Variants in COPA observed in about 807,000 individuals in gnomAD.
The protein encoded by COPA is coat protein complex I subunit alpha.
COPA carries 10 observed loss-of-function variants against 158.7 expected under a neutral mutation model. The ratio of observed to expected loss-of-function variants is 0.06; its 90% confidence interval spans 0.04 to 0.11. The LOEUF (loss-of-function observed/expected upper bound fraction) is 0.11. COPA is among the 10% of genes least tolerant of loss of function. The pLI is 1.00. For synonymous variants in COPA, 462 were observed against 542.8 expected (o/e 0.85, Z 2.07); for missense variants, 1,065 against 1,536.7 (o/e 0.69, Z 5.13).
chr1:160,312,086 T>C, intron 10 of COPA, 68 bp from the exon 11 acceptor site: 2 of 1,515,636 alleles, frequency 1.3e-6, no homozygotes, highest in South Asian at 1.2e-5. Flanking sequence ...AAATTGGAGA[T>C]ACGTAAGGAT....
chr1:160,342,740 C>A lies in COPA; in HGVS notation c.40+391G>T, dbSNP rs564144563. Among the ~76,000 whole-genome samples, 27 of 152,230 alleles carry A rather than the reference C, an allele frequency of 1.8e-4. No individual in the cohort carries two copies. In the South Asian group the frequency reaches 2.7e-3, roughly 15 times the overall value. On this transcript the variant is annotated intron_variant, in intron 1 of 32. Transcript: ENST00000241704. ...TCCAAAAAGGCTACTGACTCGGGTGCGAGTAACAGAGATCGAGACTCAGTT... is the reference window on the plus strand; with the variant it reads ...TCCAAAAAGGCTACTGACTCGGGTGAGAGTAACAGAGATCGAGACTCAGTT...
Position 160,291,340 on chromosome 1 carries a change from G to C in COPA, c.3415C>G (p.Gln1139Glu). ...ACTGAAGGAGTTCCATCTACCTGTT[G>C]GGCCACCTCAGGCTTGGGCCCGAGT... ...LELGPKPEVAQQTRKILSACE... is the reference protein window; with the variant it reads ...LELGPKPEVAEQTRKILSACE... Residue 1139 changes from glutamine to glutamate, a missense_variant, in exon 31 of 33, where the codon CAA becomes GAA. Physicochemically the swap from Gln to Glu is conservative, Grantham distance 29. This residue lies in a region of COPA where 980 missense variants were observed against 1,357.8 expected (regional missense o/e 0.72). Coordinates refer to ENST00000241704, the MANE Select transcript of COPA (RefSeq NM_004371.4). The C allele has an allele frequency of 6.2e-7, 1 of 1,613,494 alleles. No homozygotes were observed. Among genetic ancestry groups the C allele is most frequent in the Non-Finnish European group, 8.5e-7 (1 of 1,179,878 alleles).
intron 17 of COPA, among the ~76,000 whole-genome samples, chr1:160,304,591 G>A (rs1326598872): frequency 6.6e-6 from 1 of 151,986 alleles, no homozygotes; most frequent in Non-Finnish European, 1.5e-5. Flanking sequence ...TTGAACCCAG[G>A]AGGCGGAGGT....
chr1:160,337,986 ATTTCCT>A (rs1647852905), intron 3 of COPA, among the ~76,000 whole-genome samples: 1 of 151,946 alleles, frequency 6.6e-6, no homozygotes, highest in Admixed American at 6.6e-5. Flanking sequence ...GTCACTTCTC[ATTTCCT>A]CCCAACCCCT....
Position 160,297,545 on chromosome 1 carries a change from G to A in COPA, c.2167+11C>T, listed in dbSNP as rs760181351. ...GAACCCCTCTTCCCATCCTTAGTTT[G>A]AGGGCCTCACCAATCTTCATCATCT... is the stretch of plus-strand genomic sequence containing the variant. On this transcript the variant is annotated intron_variant, in intron 20 of 32. Coordinates refer to ENST00000241704, the MANE Select transcript of COPA (RefSeq NM_004371.4). The A allele has an allele frequency of 6.2e-7, 1 of 1,613,176 alleles. No individual in the cohort carries two copies. Among genetic ancestry groups the A allele is most frequent in the East Asian group, 2.2e-5 (1 of 44,872 alleles).
At chr1:160,302,808 C>A (rs574730578) in intron 17 of COPA, among the ~76,000 whole-genome samples, 2 of 152,034 alleles carry the variant, frequency 1.3e-5, no homozygotes, top group East Asian at 3.9e-4. Context: ...CCCGCCTCAG[C>A]CTCCCAAAGT....
At chr1:160,301,240 G>A (rs1419031195) in intron 17 of COPA, among the ~76,000 whole-genome samples, 1 of 152,158 alleles carries the variant, frequency 6.6e-6, no homozygotes, top group Admixed American at 6.5e-5. Flanking sequence ...AATGCTGGCT[G>A]AGCATCCCAA....
chr1:160,317,788 G>C (rs116234003), intron 8 of COPA: 25,706 of 930,610 alleles, frequency 0.028, 419 homozygotes, highest in Middle Eastern at 0.033. Context: ...TGTTAAAAAC[G>C]GAATTGAAAA....
intron 2 of COPA, 54 bp downstream of exon 2, chr1:160,340,127 C>T: frequency 6.7e-7 from 1 of 1,501,168 alleles, no homozygotes. Flanking sequence ...TTAAAATACC[C>T]CAGGATATTA....
Position 160,295,882 on chromosome 1 carries a change from C to G in COPA, c.2353-23G>C, listed in dbSNP as rs747905529. 3.8e-6 allele frequency: 6 copies of G among 1,591,012 alleles called. No individual in the cohort carries two copies. The South Asian group carries it at 5.8e-5, about 15-fold the overall frequency. ...GATCTGAATAGTAGAAGAAAAGAGG[C>G]TAAAAACAAATAGCACTTGGAAGTC... On this transcript the variant is annotated intron_variant, in intron 22 of 32. Transcript: ENST00000241704.
intron 8 of COPA, among the ~76,000 whole-genome samples, chr1:160,315,176 A>G (rs904963076): frequency 4.6e-5 from 7 of 152,014 alleles, no homozygotes; most frequent in African/African-American, 1.7e-4. Context: ...CCCTCCCCCA[A>G]CTCATGGTTT....
intron 11 of COPA, 109 bp from the exon 12 acceptor site, chr1:160,310,367 T>C: frequency 1.9e-6 from 1 of 522,946 alleles, no homozygotes; most frequent in South Asian, 4.3e-5. Context: ...CACTATATAC[T>C]CATCACTTTT....
intron 21 of COPA, among the ~76,000 whole-genome samples, chr1:160,296,555 G>A (rs916948477): frequency 1.3e-5 from 2 of 152,182 alleles, no homozygotes; most frequent in South Asian, 2.1e-4. Context: ...TTCTCTCCCC[G>A]GTGAGTCTTC....
chr1:160,307,361 G>T, intron 13 of COPA, 116 bp from the exon 14 acceptor site: 1 of 932,758 alleles, frequency 1.1e-6, no homozygotes. Context: ...TGCCAGTTGA[G>T]CTGCTTCCTA....
At chr1:160,328,614 A>C (rs1647363494) in intron 6 of COPA, among the ~76,000 whole-genome samples, 2 of 152,212 alleles carry the variant, frequency 1.3e-5, no homozygotes, top group Non-Finnish European at 2.9e-5. Context: ...ATTTGGCAGC[A>C]AATTAATACT....
intron 8 of COPA, 93 bp from the exon 9 acceptor site, chr1:160,314,218 A>G (rs1412127613): frequency 7.4e-7 from 1 of 1,351,076 alleles, no homozygotes; most frequent in Non-Finnish European, 9.9e-7. Context: ...AGAACTAAGT[A>G]CTATTACAGA....
intron 19 of COPA, among the ~76,000 whole-genome samples, chr1:160,298,100 G>A (rs1316580842): frequency 2.0e-5 from 3 of 151,926 alleles, no homozygotes; most frequent in Admixed American, 1.3e-4. Flanking sequence ...AGAATCGCTT[G>A]GACCCAGGAG....
chr1:160,313,312 G>A (rs939663399), intron 9 of COPA, 145 bp from the exon 10 acceptor site: 8 of 665,326 alleles, frequency 1.2e-5, no homozygotes, highest in East Asian at 2.7e-5. Context: ...AACAGTAGTC[G>A]TGATAAATTC....
intron 6 of COPA, among the ~76,000 whole-genome samples, chr1:160,328,325 A>G (rs559751312): frequency 6.6e-6 from 1 of 152,368 alleles, no homozygotes; most frequent in South Asian, 2.1e-4. Context: ...GCCGTATGAC[A>G]GAATGGAAGG....
Sources: gnomAD v4.1 joint callset for allele counts (sites outside exome capture counted in the v4.1 genomes callset) on GRCh38, gnomAD v4.1.1 for gene constraint, gnomAD v4.1.1 regional missense constraint, MANE v1.5 for transcripts, NCBI Gene and HGNC (gene_info 2026-07-23, HGNC 2026-07-21) for gene names.